HS6ST1: variants seen among roughly 807,000 people sequenced by gnomAD.
The protein encoded by HS6ST1 is heparan-sulfate 6-O-sulfotransferase 1.
A neutral mutation model predicts 25.2 loss-of-function variants in HS6ST1; 3 were observed. The ratio of observed to expected loss-of-function variants is 0.12; its 90% CI spans 0.05 to 0.31. The LOEUF is 0.31. HS6ST1 is among the 10% of genes least tolerant of loss of function. The pLI is 1.00. For missense variants in HS6ST1, 310 were observed against 609.6 expected, an observed-to-expected ratio of 0.51 and a Z score of 5.18; for synonymous variants, 204 against 275.1, an observed-to-expected ratio of 0.74 and a Z score of 2.56.
chr2:128,267,945 G>A lies in HS6ST1; in HGVS notation c.*217C>T, dbSNP rs534483321. ...CCTGACCATGGCATCCTTCGAGCAC[G>A]CTTTCCTCTGACCCACTGGGCTGCA... On this transcript the variant is annotated 3_prime_UTR_variant, in exon 2 of 2. Coordinates refer to ENST00000259241, the MANE Select transcript of HS6ST1 (RefSeq NM_004807.3). 68 of 602,798 alleles carry A rather than the reference G, an allele frequency of 1.1e-4. No individual in the cohort carries two copies. The highest frequency in any genetic ancestry group is 1.7e-4 in the Non-Finnish European group (57 of 339,040). The allele number at this position is 602,798 out of a possible 1,614,324, so 37.3% of individuals were successfully genotyped here.
Position 128,268,399 on chromosome 2 carries a change from G to A in HS6ST1, c.999C>T (p.Thr333=). 1.2e-6 allele frequency: 2 copies of A among 1,613,682 alleles called. No individual in the cohort carries two copies. Among genetic ancestry groups the A allele is most frequent in the Non-Finnish European group, 1.7e-6 (2 of 1,179,876 alleles). ...RAGGVEVDED[T]IRRIEELNDL... is the part of the protein sequence containing the mutation. ...CGTTGAGCTCCTCGATGCGCCGGATGGTGTCTTCATCCACCTCCACGCCGC... is the reference window on the plus strand; with the variant it reads ...CGTTGAGCTCCTCGATGCGCCGGATAGTGTCTTCATCCACCTCCACGCCGC... Residue 333 remains threonine (T), a synonymous_variant, in exon 2 of 2, where the codon ACC becomes ACT. Transcript: ENST00000259241.
At chr2:128,279,740 G>A (rs1320368958) in intron 1 of HS6ST1, among the ~76,000 whole-genome samples, 1 of 152,200 alleles carries the variant, frequency 6.6e-6, no homozygotes, top group African/African-American at 2.4e-5. Flanking sequence ...AGGCTGCAGT[G>A]AGCTGTGATT....
chr2:128,304,202 T>G (rs2104932630), intron 1 of HS6ST1, among the ~76,000 whole-genome samples: 1 of 152,318 alleles, frequency 6.6e-6, no homozygotes. Context: ...CAATAAATCC[T>G]CTTTCACCTG....
In HS6ST1 at chr2:128,265,827, G is replaced by C. The variant is rs1180742056; in HGVS notation, c.*2335C>G. On this transcript the variant is annotated 3_prime_UTR_variant, in exon 2 of 2. Transcript: ENST00000259241. ...CCTGTTTCCGTCCTCACAGCCCTGG[G>C]AGGGCCCCGGTGGACAGAGTCCTTA... 1 of 152,248 alleles carries C rather than the reference G, an allele frequency of 6.6e-6. No individual in the cohort carries two copies. Among genetic ancestry groups the C allele is most frequent in the Non-Finnish European group, 1.5e-5 (1 of 68,066 alleles). The allele number at this position is 152,248 out of a possible 1,614,324, so 9.4% of individuals were successfully genotyped here.
intron 1 of HS6ST1, among the ~76,000 whole-genome samples, chr2:128,282,478 C>T (rs554930111): frequency 8.5e-5 from 13 of 152,224 alleles, no homozygotes; most frequent in Admixed American, 3.3e-4. Flanking sequence ...TGGTTGAAAA[C>T]GCTGCGGGTG....
At chr2:128,268,941 G>T in intron 1 of HS6ST1, 71 bp from the exon 2 acceptor site, 1 of 1,309,012 alleles carries the variant, frequency 7.6e-7, no homozygotes, top group Non-Finnish European at 1.1e-6. Flanking sequence ...GCTGCTCTGA[G>T]TCAAAGTCCC....
intron 1 of HS6ST1, among the ~76,000 whole-genome samples, chr2:128,294,671 CGTGTGT>C (rs56059401): frequency 0.079 from 10,686 of 135,958 alleles, 424 homozygotes; most frequent in East Asian, 0.13. Context: ...AGAAGGGAGG[CGTGTGT>C]GTGTGTGTGT....
chr2:128,270,023 T>C (rs1693588557), intron 1 of HS6ST1, among the ~76,000 whole-genome samples: 1 of 152,110 alleles, frequency 6.6e-6, no homozygotes, highest in South Asian at 2.1e-4. Flanking sequence ...TGGCAAGTGG[T>C]GCGGTGCCAC....
chr2:128,282,722 T>G (rs1268559035), intron 1 of HS6ST1, among the ~76,000 whole-genome samples: 1 of 152,140 alleles, frequency 6.6e-6, no homozygotes, highest in Non-Finnish European at 1.5e-5. Context: ...CACCAACCGG[T>G]GGAGGCCTGG....
intron 1 of HS6ST1, among the ~76,000 whole-genome samples, chr2:128,286,755 C>G (rs559046807): frequency 1.3e-5 from 2 of 152,230 alleles, no homozygotes; most frequent in African/African-American, 4.8e-5. Context: ...CGTCTGCAAG[C>G]GGGTGAAAAT....
chr2:128,318,031 G>C lies in HS6ST1; in HGVS notation c.527+6C>G. The C allele has an allele frequency of 6.7e-7, 1 of 1,489,558 alleles. No homozygotes were observed. Among genetic ancestry groups the C allele is most frequent in the South Asian group, 1.3e-5 (1 of 77,776 alleles). The allele number at this position is 1,489,558 out of a possible 1,614,324, so 92.3% of individuals were successfully genotyped here. ...TGCGCGAGGATCCCGCCGCCCGGGC[G>C]CTCACCTGGGCGTGCGCAGCGCGGC... On this transcript the variant is annotated splice_donor_region_variant and intron_variant, in intron 1 of 1. Coordinates refer to ENST00000259241, the MANE Select transcript of HS6ST1 (RefSeq NM_004807.3). This position sits in a 1 kb window ranked among gnomAD's most constrained non-coding sequence, Gnocchi z 5.7.
At chr2:128,270,158 T>C (rs1385935439) in intron 1 of HS6ST1, among the ~76,000 whole-genome samples, 1 of 152,168 alleles carries the variant, frequency 6.6e-6, no homozygotes, top group East Asian at 1.9e-4. Flanking sequence ...GCATGCAGAC[T>C]GCCGAGGAAG....
intron 1 of HS6ST1, among the ~76,000 whole-genome samples, chr2:128,275,485 G>C (rs1693679921): frequency 6.6e-6 from 1 of 152,240 alleles, no homozygotes; most frequent in East Asian, 1.9e-4. Flanking sequence ...GTTGGAAAGA[G>C]AAAGCGGATC....
intron 1 of HS6ST1, among the ~76,000 whole-genome samples, chr2:128,300,345 G>C (rs1041194930): frequency 6.6e-6 from 1 of 152,120 alleles, no homozygotes; most frequent in Non-Finnish European, 1.5e-5. Flanking sequence ...AGAAGAGGGG[G>C]GGACCACCCA....
chr2:128,312,678 C>T (rs577707206), intron 1 of HS6ST1, among the ~76,000 whole-genome samples: 6 of 152,304 alleles, frequency 3.9e-5, no homozygotes, highest in African/African-American at 1.4e-4. Flanking sequence ...AGATGGGCCA[C>T]CCCAAGGGTG....
intron 1 of HS6ST1, among the ~76,000 whole-genome samples, chr2:128,306,177 G>T (rs1057191274): frequency 6.6e-6 from 1 of 152,122 alleles, no homozygotes; most frequent in African/African-American, 2.4e-5. Context: ...TGCACCCTCG[G>T]GACAGGAATG....
At position 128,317,390 on chromosome 2, in the gene HS6ST1, C is replaced by G. The variant is rs372362251; in HGVS notation, c.527+647G>C. ...GCTTTTGTTCCTCTCTCCAGGCAAG[C>G]CTGTGCCTGGAAGAATTCGGCTGGC... is the stretch of plus-strand genomic sequence containing the variant. On this transcript the variant is annotated intron_variant, in intron 1 of 1. Transcript: ENST00000259241. Among the ~76,000 whole-genome samples, 68 of 152,354 alleles carry G rather than the reference C, an allele frequency of 4.5e-4. No individual in the cohort carries two copies. In the East Asian group the frequency reaches 0.01, roughly 23 times the overall value.
At chr2:128,307,511 G>C (rs558889534) in intron 1 of HS6ST1, among the ~76,000 whole-genome samples, 6 of 152,208 alleles carry the variant, frequency 3.9e-5, no homozygotes, top group Non-Finnish European at 8.8e-5. Context: ...CAGGAGGAGA[G>C]AAGCGGGGAG....
chr2:128,307,300 T>C (rs1694228060), intron 1 of HS6ST1, among the ~76,000 whole-genome samples: 1 of 152,096 alleles, frequency 6.6e-6, no homozygotes, highest in Non-Finnish European at 1.5e-5. Context: ...AGCTGCCATC[T>C]GTCCACCTGC....
Sources: gnomAD v4.1 joint callset for allele counts (sites outside exome capture counted in the v4.1 genomes callset) on GRCh38, gnomAD v4.1.1 for gene constraint, Gnocchi (gnomAD v3.1) non-coding constraint, MANE v1.5 for transcripts, NCBI Gene and HGNC (gene_info 2026-07-23, HGNC 2026-07-21) for gene names.